The following RPN1 variants were observed in gnomAD, a reference collection of about 807,000 sequenced individuals.
RPN1 encodes the protein ribophorin I.
In RPN1, 12 loss-of-function variants were observed where a neutral mutation model predicts 55.5. The ratio of observed to expected loss-of-function variants is 0.22; its 90% CI spans 0.14 to 0.35. The LOEUF (loss-of-function observed/expected upper bound fraction) is 0.35. RPN1 is among the 10% of genes least tolerant of loss of function. RPN1 has a pLI of 1.00. For missense variants in RPN1, 679 were observed against 761.3 expected (o/e 0.89, Z 1.27); for synonymous variants, 317 against 305.9 (o/e 1.04, Z -0.38).
At chr3:128,626,682 A>AG in intron 6 of RPN1, 51 bp downstream of exon 6, 3 of 1,503,888 alleles carry the variant, frequency 2.0e-6, no homozygotes, top group Non-Finnish European at 2.8e-6. Flanking sequence ...GGGTACCACA[A>AG]GGGTACAACC....
rs750346666 is a variant in RPN1 at position 128,630,019 on chromosome 3, A to T, written c.968T>A (p.Phe323Tyr). 1 of 1,613,884 alleles carries T rather than the reference A, an allele frequency of 6.2e-7. No individual in the cohort carries two copies. Among genetic ancestry groups the T allele is most frequent in the Admixed American group, 1.7e-5 (1 of 60,014 alleles). ...EMEIRPRFPL[F>Y]GGWKTHYIVG... ...GATGTAATGGGTCTTCCACCCGCCA[A>T]AGAGAGGGAAGCGAGGCCGGATTTC... The change falls in exon 5 of 10, where the codon TTT (phenylalanine) becomes TAT (tyrosine). Residue 323 changes from phenylalanine (F) to tyrosine (Y), a missense_variant. Transcript: ENST00000296255.
intron 3 of RPN1, among the ~76,000 whole-genome samples, chr3:128,635,491 G>C (rs11717399): frequency 0.61 from 92,206 of 150,854 alleles, 28,333 homozygotes; most frequent in East Asian, 0.77. Context: ...AGTAGAGATG[G>C]GGTTTCACCA....
chr3:128,638,770 A>T (rs1168369173), intron 2 of RPN1, among the ~76,000 whole-genome samples: 1 of 152,086 alleles, frequency 6.6e-6, no homozygotes, highest in Admixed American at 6.6e-5. Flanking sequence ...GTTCCAGACC[A>T]GCCTGGCCAA....
rs749479360 is a variant in RPN1 at position 128,625,992 on chromosome 3, G to A, written c.1157C>T (p.Pro386Leu). ...ATCTGGGGCACGGCTGATTTCATAG[G>A]GACTATCAATTTCAATGTTCCTGGA... ...EGAKNIEIDSPYEISRAPDEL... is the reference protein window; with the variant it reads ...EGAKNIEIDSLYEISRAPDEL... Residue 386 changes from proline (P) to leucine (L), a missense_variant, in exon 7 of 10, where the codon CCC (proline) becomes CTC (leucine). By Grantham distance (98) the Pro-to-Leu change is moderately conservative. Transcript: ENST00000296255. 3.7e-6 allele frequency: 6 copies of A among 1,605,528 alleles called. No homozygotes were observed. The highest frequency in any genetic ancestry group is 1.7e-5 in the Admixed American group (1 of 57,580).
intron 8 of RPN1, 69 bp from the exon 9 acceptor site, chr3:128,622,478 A>G: frequency 6.3e-7 from 1 of 1,581,342 alleles, no homozygotes. Flanking sequence ...TATCTCCCAA[A>G]GAACATCTGC....
intron 4 of RPN1, among the ~76,000 whole-genome samples, 197 bp from the exon 5 acceptor site, chr3:128,630,340 C>T (rs2069632450): frequency 6.6e-6 from 1 of 152,208 alleles, no homozygotes; most frequent in African/African-American, 2.4e-5. Context: ...AGGGTGCTAA[C>T]TACCCAAATT....
chr3:128,649,325 T>C (rs534015180), intron 1 of RPN1, among the ~76,000 whole-genome samples: 2 of 152,332 alleles, frequency 1.3e-5, no homozygotes, highest in African/African-American at 2.4e-5. Flanking sequence ...CCACTTATAC[T>C]GTAACAAGCT....
chr3:128,650,212 C>G (rs4467479), intron 1 of RPN1, among the ~76,000 whole-genome samples: 54,936 of 152,096 alleles, frequency 0.36, 10,017 homozygotes, highest in Middle Eastern at 0.42. Flanking sequence ...CGAGAACGGC[C>G]CAAACAGGGG....
chr3:128,648,265 C>A (rs1398081947), intron 1 of RPN1, among the ~76,000 whole-genome samples: 1 of 152,062 alleles, frequency 6.6e-6, no homozygotes, highest in East Asian at 1.9e-4. Flanking sequence ...CGTGGCAGCA[C>A]GCGCCTGTAG....
chr3:128,624,004 C>G (rs555116254), intron 8 of RPN1, among the ~76,000 whole-genome samples: 1 of 151,662 alleles, frequency 6.6e-6, no homozygotes, highest in African/African-American at 2.4e-5. Flanking sequence ...CACACACACA[C>G]GCACACACAC....
At chr3:128,635,401 A>G (rs2107717458) in intron 3 of RPN1, among the ~76,000 whole-genome samples, 1 of 151,810 alleles carries the variant, frequency 6.6e-6, no homozygotes, top group Non-Finnish European at 1.5e-5. Flanking sequence ...CCTGGGTTCA[A>G]GCAGTTCTCG....
At chr3:128,639,914 C>T (rs1334692348) in intron 2 of RPN1, among the ~76,000 whole-genome samples, 1 of 152,170 alleles carries the variant, frequency 6.6e-6, no homozygotes, top group African/African-American at 2.4e-5. Context: ...GAGCTTGTAT[C>T]ATCCTCATAT....
chr3:128,621,022 C>G (rs1208049991), intron 9 of RPN1, among the ~76,000 whole-genome samples: 1 of 152,154 alleles, frequency 6.6e-6, no homozygotes, highest in Non-Finnish European at 1.5e-5. Context: ...GGGTGACAGG[C>G]ATTGTCACCT....
Position 128,650,684 on chromosome 3 carries a change from T to G in RPN1, c.117A>C (p.Thr39=), listed in dbSNP as rs1179652256. The G allele has an allele frequency of 3.2e-6, 5 of 1,572,758 alleles. No homozygotes were observed. In the South Asian group the frequency reaches 5.8e-5, roughly 18 times the overall value. ...TAGCCAGGTGGCTGCTTAGGTCCAC[T>G]GTGCGCTTCACGTCCTCATTGATCA... is the stretch of plus-strand genomic sequence containing the variant. ...PPLINEDVKR[T]VDLSSHLAKV... Residue 39 remains threonine, a synonymous_variant, in exon 1 of 10, where the codon ACA becomes ACC. Transcript: ENST00000296255.
rs1431665256 is a variant in RPN1, at chr3:128,620,151, C to A, written c.*260G>T. ...AATACCAATCAAATATTGAAAATTCCTTTGTTCAAAACACAAAGATGTTTT... is the reference window on the plus strand; with the variant it reads ...AATACCAATCAAATATTGAAAATTCATTTGTTCAAAACACAAAGATGTTTT... On this transcript the variant is annotated 3_prime_UTR_variant, in exon 10 of 10. Transcript: ENST00000296255. 3.1e-6 allele frequency: 1 copy of A among 318,382 alleles called. No individual in the cohort carries two copies. 19.7% of individuals were successfully genotyped at this position (318,382 alleles called of 1,614,324 possible). A position where few individuals can be genotyped will look rare whatever the true frequency, so the allele number is the denominator to read the frequency against.
chr3:128,621,530 G>A (rs899781084), intron 9 of RPN1, among the ~76,000 whole-genome samples: 5 of 152,190 alleles, frequency 3.3e-5, no homozygotes, highest in African/African-American at 1.2e-4. Context: ...GGTGCTATGA[G>A]GAAATTCACA....
chr3:128,640,856 C>T (rs1326663247), intron 2 of RPN1, among the ~76,000 whole-genome samples: 1 of 151,198 alleles, frequency 6.6e-6, no homozygotes, highest in African/African-American at 2.4e-5. Context: ...CCCTTCCCCC[C>T]AGCCCATCTA....
Position 128,620,028 on chromosome 3 carries a change from A to C in RPN1, c.*383T>G, listed in dbSNP as rs555586855. The C allele has an allele frequency of 3.5e-5, 8 of 225,926 alleles. No homozygotes were observed. The South Asian group carries it at 1.3e-3, about 36-fold the overall frequency. The allele number at this position is 225,926 out of a possible 1,614,324, so 14.0% of individuals were successfully genotyped here. A position where few individuals can be genotyped will look rare whatever the true frequency, so the allele number is the denominator to read the frequency against. On this transcript the variant is annotated 3_prime_UTR_variant, in exon 10 of 10. Transcript: ENST00000296255. ...TCACACACGCTTTAAAAAAAAAAAA[A>C]AAAACACATGCACTCACACAATACC...
intron 1 of RPN1, among the ~76,000 whole-genome samples, chr3:128,646,449 G>A (rs1395817429): frequency 1.3e-5 from 2 of 151,760 alleles, no homozygotes; most frequent in Non-Finnish European, 2.9e-5. Context: ...CTGACAGGCA[G>A]AGGAGGGGTG....
Sources: allele counts gnomAD v4.1 joint callset (sites outside exome capture counted in the v4.1 genomes callset), GRCh38; gene constraint gnomAD v4.1.1; transcripts MANE v1.5; gene names NCBI Gene and HGNC (gene_info 2026-07-23, HGNC 2026-07-21).